SRGAP2: variants seen among roughly 807,000 people sequenced by gnomAD.
The protein encoded by SRGAP2 is SLIT-ROBO Rho GTPase-activating protein 2.
Under a neutral mutation model 57.2 loss-of-function variants are expected in SRGAP2, and 15 were observed. The ratio of observed to expected loss-of-function variants is 0.26; its 90% CI spans 0.18 to 0.40. The LOEUF (loss-of-function observed/expected upper bound fraction) is 0.40, where lower values mean the gene tolerates loss of function less well. Ranked by LOEUF, SRGAP2 falls within the 10% of genes least tolerant of loss-of-function variation. The pLI, the probability that SRGAP2 is intolerant of heterozygous loss-of-function variation, is 1.00. For synonymous variants in SRGAP2, 249 were observed against 248.0 expected (o/e 1.00, Z -0.04); for missense variants, 520 against 669.6 (o/e 0.78, Z 2.47).
At chr1:206,386,723 T>C (rs1343094239) in intron 5 of SRGAP2, among the ~76,000 whole-genome samples, 8 of 115,016 alleles carry the variant, frequency 7.0e-5, no homozygotes, top group Admixed American at 2.7e-4. Context: ...GGCGTGAACC[T>C]GGGAGGCAGA....
intron 2 of SRGAP2, among the ~76,000 whole-genome samples, chr1:206,255,279 A>C (rs2102602261): frequency 6.6e-6 from 1 of 151,722 alleles, no homozygotes; most frequent in Admixed American, 6.6e-5. Flanking sequence ...GCTAGGATTA[A>C]ACAGAATGGG....
At chr1:206,363,421 C>T (rs1193979367) in intron 4 of SRGAP2, among the ~76,000 whole-genome samples, 15 of 151,994 alleles carry the variant, frequency 9.9e-5, no homozygotes, top group South Asian at 6.2e-4. Flanking sequence ...TATTTGGGGG[C>T]GAGATTTTTA....
At chr1:206,364,231 TGAAATGGGGG>T (rs2103001078) in intron 4 of SRGAP2, among the ~76,000 whole-genome samples, 1 of 150,272 alleles carries the variant, frequency 6.7e-6, no homozygotes. Flanking sequence ...GGAAAAATTC[TGAAATGGGGG>T]GAAATATCAC....
At chr1:206,206,114 G>A in intron 2 of SRGAP2, 77 bp downstream of exon 2, 1 of 785,294 alleles carries the variant, frequency 1.3e-6, no homozygotes, top group Non-Finnish European at 2.1e-6. Flanking sequence ...TGATTTGCAG[G>A]TTGTTCATTT....
intron 15 of SRGAP2, among the ~76,000 whole-genome samples, chr1:206,437,243 C>T (rs1450990149): frequency 6.6e-6 from 1 of 152,168 alleles, no homozygotes; most frequent in Non-Finnish European, 1.5e-5. Flanking sequence ...CTTCTTCTTT[C>T]GTAGCCCTAC....
chr1:206,355,790 A>T (rs2102971511), intron 4 of SRGAP2, among the ~76,000 whole-genome samples: 1 of 152,210 alleles, frequency 6.6e-6, no homozygotes, highest in Middle Eastern at 3.4e-3. Flanking sequence ...AACATGCTGA[A>T]ACCCTGTCTC....
At chr1:206,333,896 C>A (rs1473566400) in intron 3 of SRGAP2, among the ~76,000 whole-genome samples, 2 of 152,172 alleles carry the variant, frequency 1.3e-5, no homozygotes, top group African/African-American at 2.4e-5. Context: ...CTAATTTGAT[C>A]TACTAACCTG....
intron 4 of SRGAP2, among the ~76,000 whole-genome samples, chr1:206,372,955 CTTTTCTTTCCTTT>C (rs1279412591): frequency 0.015 from 592 of 39,642 alleles, 106 homozygotes; most frequent in Middle Eastern, 0.054. Context: ...TTCTTTCTTT[CTTTTCTTTCCTTT>C]CTTTCTTTCT....
chr1:206,294,598 T>C (rs1671486085), intron 2 of SRGAP2, among the ~76,000 whole-genome samples: 1 of 138,406 alleles, frequency 7.2e-6, no homozygotes, highest in Non-Finnish European at 1.5e-5. Flanking sequence ...TATAGAGTCA[T>C]GGGCTCTAAA....
intron 17 of SRGAP2, among the ~76,000 whole-genome samples, chr1:206,442,685 C>T (rs534819181): frequency 6.6e-5 from 10 of 152,206 alleles, no homozygotes; most frequent in East Asian, 3.9e-4. Flanking sequence ...ATTTGCTCAT[C>T]AAAGTGTTAA....
intron 2 of SRGAP2, among the ~76,000 whole-genome samples, chr1:206,268,086 T>A (rs1318844522): frequency 0.022 from 3,275 of 146,280 alleles, 65 homozygotes; most frequent in African/African-American, 0.06. Flanking sequence ...TATATATTTT[T>A]TTTTTTTTTT....
intron 17 of SRGAP2, among the ~76,000 whole-genome samples, chr1:206,441,306 C>G (rs1400985948): frequency 6.6e-6 from 1 of 152,082 alleles, no homozygotes; most frequent in Non-Finnish European, 1.5e-5. Flanking sequence ...CAGGAGTTGC[C>G]CATGTACTGG....
intron 4 of SRGAP2, among the ~76,000 whole-genome samples, chr1:206,347,645 G>A (rs1455294471): frequency 1.3e-5 from 2 of 151,120 alleles, no homozygotes; most frequent in East Asian, 1.9e-4. Context: ...CAGTCACCTG[G>A]CTCTAGAATC....
chr1:206,373,890 G>A (rs1654953011), intron 4 of SRGAP2, among the ~76,000 whole-genome samples: 1 of 151,278 alleles, frequency 6.6e-6, no homozygotes, highest in African/African-American at 2.4e-5. Context: ...TAACACACCT[G>A]TCTCAGTGAA....
chr1:206,245,074 T>C (rs1668464389), intron 2 of SRGAP2, among the ~76,000 whole-genome samples: 1 of 136,208 alleles, frequency 7.3e-6, no homozygotes, highest in African/African-American at 2.7e-5. Flanking sequence ...CAGTTAGCTA[T>C]CTTCACCTGA....
chr1:206,391,799 T>C (rs1553350617), intron 5 of SRGAP2, among the ~76,000 whole-genome samples: 1 of 151,956 alleles, frequency 6.6e-6, no homozygotes, highest in African/African-American at 2.4e-5. Flanking sequence ...TTTAGTAGGA[T>C]TGGAAACAAG....
intron 2 of SRGAP2, among the ~76,000 whole-genome samples, chr1:206,253,304 T>C (rs537613920): frequency 6.6e-6 from 1 of 150,908 alleles, no homozygotes; most frequent in Non-Finnish European, 1.5e-5. Context: ...ACAGGATTCA[T>C]TGTGACTTTT....
intron 14 of SRGAP2, among the ~76,000 whole-genome samples, chr1:206,436,719 C>G (rs1553370156): frequency 6.6e-6 from 1 of 152,204 alleles, no homozygotes; most frequent in East Asian, 1.9e-4. Flanking sequence ...AGGAATCTGC[C>G]TCATAGTCGC....
chr1:206,437,407 T>C (rs1288948054), intron 15 of SRGAP2, among the ~76,000 whole-genome samples: 1 of 152,274 alleles, frequency 6.6e-6, no homozygotes, highest in African/African-American at 2.4e-5. Flanking sequence ...TTTTGTGGGC[T>C]ATTAAGGTAA....
Sources: allele counts gnomAD v4.1 joint callset (sites outside exome capture counted in the v4.1 genomes callset), GRCh38; gene constraint gnomAD v4.1.1; transcripts MANE v1.5; gene names NCBI Gene and HGNC (gene_info 2026-07-23, HGNC 2026-07-21).